The following NEB variants were observed in gnomAD, a reference collection of about 807,000 sequenced individuals.
NEB encodes nebulin, also known as nemaline myopathy type 2.
In NEB, 512 loss-of-function variants were observed where a neutral mutation model predicts 952.2. That is an observed-to-expected ratio of 0.54 (90% CI 0.50 to 0.58). The LOEUF (loss-of-function observed/expected upper bound fraction) is 0.58, where lower values mean the gene tolerates loss of function less well. Ranked by LOEUF, NEB falls within the 20% of genes least tolerant of loss-of-function variation. The probability of loss-of-function intolerance (pLI) is 0.00; values close to 1 mark genes in which losing one functional copy is unlikely to be tolerated. For synonymous variants in NEB, 2,900 were observed against 3,149.8 expected (o/e 0.92, Z 2.66); for missense variants, 8,428 against 9,231.1 (o/e 0.91, Z 3.56).
intron 171 of NEB, 48 bp downstream of exon 171, chr2:151,497,578 T>A: frequency 1.3e-6 from 2 of 1,538,272 alleles, no homozygotes; most frequent in Non-Finnish European, 1.8e-6. Context: ...TCATGAAAGT[T>A]TTCAAAATCA....
intron 117 of NEB, 70 bp downstream of exon 117, chr2:151,564,974 G>A: frequency 1.1e-6 from 1 of 927,406 alleles, no homozygotes; most frequent in East Asian, 2.7e-5. Flanking sequence ...GACAAAATCA[G>A]CCAAGAATAT....
At chr2:151,625,022 A>G (rs915738479) in intron 71 of NEB, among the ~76,000 whole-genome samples, 1 of 152,178 alleles carries the variant, frequency 6.6e-6, no homozygotes, top group Admixed American at 6.5e-5. Context: ...TCTAATTTTC[A>G]TGGTGACTTG....
Position 151,548,328 on chromosome 2 carries a change from C to G in NEB, c.20137G>C (p.Val6713Leu), listed in dbSNP as rs758542902. ...KDVPFVHVRR[V>L]NNVTSERLYR... The stretch of plus-strand genomic sequence containing the variant: ...GGTACCTCGCTGGTAACATTGTTGA[C>G]TCTCCGGACGTGGACAAATGGAACA... Residue 6713 changes from valine to leucine, a missense_variant, in exon 131 of 182, where the codon GTC becomes CTC. Transcript: ENST00000397345. 12 of 1,612,880 alleles carry G rather than the reference C, an allele frequency of 7.4e-6. No individual in the cohort carries two copies. In the Admixed American group the frequency reaches 2.0e-4, roughly 27 times the overall value.
At chr2:151,520,429 T>A (rs796778401) in intron 153 of NEB, among the ~76,000 whole-genome samples, 1 of 152,120 alleles carries the variant, frequency 6.6e-6, no homozygotes, top group Admixed American at 6.5e-5. Context: ...TTAGTATACA[T>A]AAAAATAAGT....
chr2:151,627,938 T>A (rs1456334102), intron 68 of NEB, 104 bp from the exon 69 acceptor site: 3 of 1,396,106 alleles, frequency 2.1e-6, no homozygotes, highest in Non-Finnish European at 2.9e-6. Flanking sequence ...TCTTGCAGAG[T>A]AATGAAAGAA....
chr2:151,724,610 T>A (rs965558966), intron 7 of NEB, among the ~76,000 whole-genome samples: 3 of 152,240 alleles, frequency 2.0e-5, no homozygotes, highest in African/African-American at 4.8e-5. Flanking sequence ...TGGGACTTCA[T>A]GCAGCAACAG....
chr2:151,595,643 G>C (rs1207048801), intron 92 of NEB, among the ~76,000 whole-genome samples: 45 of 86,856 alleles, frequency 5.2e-4, no homozygotes, highest in African/African-American at 2.7e-3. Context: ...AGATTACTAA[G>C]AGTATTCTAC....
At chr2:151,516,171 T>C (rs191721976) in intron 157 of NEB, among the ~76,000 whole-genome samples, 7 of 152,306 alleles carry the variant, frequency 4.6e-5, no homozygotes, top group African/African-American at 1.7e-4. Flanking sequence ...TAAAGGAAAA[T>C]CCAAATTACA....
intron 16 of NEB, 95 bp downstream of exon 16, chr2:151,697,053 A>T: frequency 2.2e-6 from 2 of 921,124 alleles, no homozygotes; most frequent in Non-Finnish European, 3.3e-6. Flanking sequence ...TGCCTGGCTT[A>T]CATTTATTTG....
In NEB at chr2:151,491,735, G is replaced by A; in HGVS notation, c.25098C>T (p.Asp8366=). Residue 8366 remains aspartate, a synonymous_variant, in exon 179 of 182, where the codon GAC becomes GAT. Transcript: ENST00000397345. ...GGATGTTGTCTTCTGCTGGATCATA[G>A]TCAAAAACCGAACCAGGATTAGTAC... The part of the protein sequence containing the change: ...VWRTNPGSVF[D]YDPAEDNIQS... The A allele has an allele frequency of 6.3e-7, 1 of 1,597,712 alleles. No homozygotes were observed. Among genetic ancestry groups the A allele is most frequent in the Non-Finnish European group, 8.5e-7 (1 of 1,171,650 alleles).
intron 8 of NEB, among the ~76,000 whole-genome samples, chr2:151,723,754 T>G (rs2099782200): frequency 6.8e-6 from 1 of 147,346 alleles, no homozygotes; most frequent in South Asian, 2.2e-4. Flanking sequence ...TTCTTTGTTT[T>G]TTTTTTTTTT....
intron 60 of NEB, among the ~76,000 whole-genome samples, chr2:151,641,930 G>C (rs548502763): frequency 1.3e-5 from 2 of 152,156 alleles, no homozygotes; most frequent in South Asian, 4.2e-4. Context: ...GATCATTTAC[G>C]TTAGGTATAT....
intron 52 of NEB, among the ~76,000 whole-genome samples, chr2:151,651,693 A>G (rs1171929762): frequency 6.6e-6 from 1 of 152,234 alleles, no homozygotes; most frequent in African/African-American, 2.4e-5. Context: ...GACAATAACA[A>G]CAGTGATAAT....
intron 139 of NEB, 74 bp downstream of exon 139, chr2:151,538,066 T>C: frequency 2.0e-6 from 3 of 1,509,206 alleles, no homozygotes; most frequent in South Asian, 1.1e-5. Context: ...AAGAGGGAGG[T>C]TGCTAAAAAA....
rs2153654431 is a variant in NEB at position 151,552,825 on chromosome 2, G to C, written c.19732-49C>G. 2 of 1,363,066 alleles carry C rather than the reference G, an allele frequency of 1.5e-6. 1 individual carries two copies. The highest frequency in any genetic ancestry group is 2.4e-5 in the South Asian group (2 of 81,842). 84.4% of individuals were successfully genotyped at this position (1,363,066 alleles called of 1,614,324 possible). On this transcript the variant is annotated intron_variant, in intron 127 of 181. Coordinates refer to ENST00000397345, the MANE Select transcript of NEB (RefSeq NM_001164508.2). ...CCATGTTGGACCATTCCTTATGCTT[G>C]AAACTGCTGGTTTTCACAGAGGGTT...
At chr2:151,494,058 C>T in intron 174 of NEB, 103 bp downstream of exon 174, 2 of 1,030,144 alleles carry the variant, frequency 1.9e-6, no homozygotes, top group Non-Finnish European at 3.0e-6. Context: ...GCAAATGTAA[C>T]TGGCATTTTG....
At chr2:151,636,518 A>T (rs1253507792) in intron 63 of NEB, among the ~76,000 whole-genome samples, 184 bp from the exon 64 acceptor site, 1 of 152,120 alleles carries the variant, frequency 6.6e-6, no homozygotes, top group Non-Finnish European at 1.5e-5. Context: ...GGTGGCTCAC[A>T]CCTGTAATCC....
chr2:151,648,710 AAACC>A (rs1474276334), intron 54 of NEB, among the ~76,000 whole-genome samples: 1 of 152,220 alleles, frequency 6.6e-6, no homozygotes, highest in African/African-American at 2.4e-5. Flanking sequence ...CCAGTTGTAA[AAACC>A]AAAAATATTT....
chr2:151,576,056 T>A (rs913065272), intron 106 of NEB, 95 bp downstream of exon 106: 1 of 1,040,646 alleles, frequency 9.6e-7, no homozygotes, highest in Non-Finnish European at 1.3e-6. Flanking sequence ...TTGTTATTAA[T>A]AAAGTTTTTA....
Sources: gnomAD v4.1 joint callset for allele counts (sites outside exome capture counted in the v4.1 genomes callset) on GRCh38, gnomAD v4.1.1 for gene constraint, MANE v1.5 for transcripts, NCBI Gene and HGNC (gene_info 2026-07-23, HGNC 2026-07-21) for gene names.